ADAMTSL1: variants seen among roughly 807,000 people sequenced by gnomAD.
ADAMTSL1 encodes ADAMTS like 1, also known as ADAMTS-like protein 1.
A neutral mutation model predicts 201.8 loss-of-function variants in ADAMTSL1; 126 were observed. The ratio of observed to expected loss-of-function variants is 0.62; its 90% CI spans 0.54 to 0.72. ADAMTSL1 has a LOEUF of 0.72. ADAMTSL1 is among the 30% of genes least tolerant of loss of function. The pLI is 0.00. For synonymous variants in ADAMTSL1, 1,121 were observed against 903.4 expected (o/e 1.24, Z -4.32); for missense variants, 2,679 against 2,277.8 (o/e 1.18, Z -3.59).
At chr9:18,808,865 C>G (rs1417536385) in intron 20 of ADAMTSL1, among the ~76,000 whole-genome samples, 1 of 152,186 alleles carries the variant, frequency 6.6e-6, no homozygotes, top group Non-Finnish European at 1.5e-5. Flanking sequence ...TTGCCTTGGA[C>G]AAACCATGGG....
At chr9:18,012,301 C>G (rs1820084799) in intron 1 of ADAMTSL1, among the ~76,000 whole-genome samples, 1 of 151,980 alleles carries the variant, frequency 6.6e-6, no homozygotes, top group African/African-American at 2.4e-5. Flanking sequence ...TTGCTGCTTT[C>G]CAGGGTTTCT....
chr9:18,226,854 AATC>A (rs1475251773), intron 2 of ADAMTSL1, among the ~76,000 whole-genome samples: 1 of 152,182 alleles, frequency 6.6e-6, no homozygotes, highest in African/African-American at 2.4e-5. Flanking sequence ...AATGAATAAT[AATC>A]ATGAATCCAG....
chr9:18,637,733 T>C (rs1827190811), intron 6 of ADAMTSL1, among the ~76,000 whole-genome samples: 1 of 152,138 alleles, frequency 6.6e-6, no homozygotes. Flanking sequence ...CCTGTTTCTC[T>C]TTTGCTCTTC....
chr9:18,408,685 G>A (rs1489884288), intron 2 of ADAMTSL1, among the ~76,000 whole-genome samples: 1 of 152,152 alleles, frequency 6.6e-6, no homozygotes, highest in Non-Finnish European at 1.5e-5. Context: ...TTCTAGATAT[G>A]AAATCTCACA....
intron 1 of ADAMTSL1, among the ~76,000 whole-genome samples, chr9:17,915,944 C>T (rs191685505): frequency 1.0e-3 from 154 of 150,882 alleles, no homozygotes; most frequent in African/African-American, 3.6e-3. Flanking sequence ...TTTTTTTTGA[C>T]AGTCTTGCTC....
In ADAMTSL1 at chr9:17,938,412, C is replaced by A. The variant is rs541085463; in HGVS notation, c.87+31490C>A. ...AGTGGAAACAATTTCAAAGAGATACCCCCAGGTACTATGCCGGGCATCTTT... is the reference window on the plus strand; with the variant it reads ...AGTGGAAACAATTTCAAAGAGATACACCCAGGTACTATGCCGGGCATCTTT... On this transcript the variant is annotated intron_variant, in intron 1 of 29. Transcript: ENST00000680146. Among the ~76,000 whole-genome samples the A allele has an allele frequency of 1.3e-3, 200 of 152,156 alleles. 1 individual carries two copies. Among genetic ancestry groups the A allele is most frequent in the Non-Finnish European group, 2.3e-3 (156 of 67,998 alleles).
chr9:18,840,124 G>A (rs1225016532), intron 23 of ADAMTSL1, among the ~76,000 whole-genome samples: 1 of 147,690 alleles, frequency 6.8e-6, no homozygotes, highest in Non-Finnish European at 1.5e-5. Context: ...CCTATGTCCT[G>A]AATGGTAATG....
intron 1 of ADAMTSL1, among the ~76,000 whole-genome samples, chr9:17,977,152 C>T (rs1443698430): frequency 2.0e-5 from 3 of 151,878 alleles, no homozygotes; most frequent in Admixed American, 6.6e-5. Context: ...GTTAAAATAT[C>T]CTTGTATCCC....
At chr9:18,201,704 G>C (rs1347474242) in intron 2 of ADAMTSL1, among the ~76,000 whole-genome samples, 1 of 152,078 alleles carries the variant, frequency 6.6e-6, no homozygotes, top group Non-Finnish European at 1.5e-5. Flanking sequence ...CATTCTTATA[G>C]TGTAATATGT....
chr9:18,764,878 T>G (rs1040704922), intron 16 of ADAMTSL1, among the ~76,000 whole-genome samples: 7 of 152,374 alleles, frequency 4.6e-5, no homozygotes, highest in Non-Finnish European at 8.8e-5. Context: ...GTTACATACC[T>G]ATATACTGTT....
intron 2 of ADAMTSL1, among the ~76,000 whole-genome samples, chr9:18,178,191 G>A (rs1828267489): frequency 6.6e-6 from 1 of 152,222 alleles, no homozygotes; most frequent in African/African-American, 2.4e-5. Flanking sequence ...AGCCGAAGCA[G>A]GGCGAGGCAT....
At chr9:18,598,895 T>C (rs1824444738) in intron 4 of ADAMTSL1, among the ~76,000 whole-genome samples, 1 of 152,160 alleles carries the variant, frequency 6.6e-6, no homozygotes. Flanking sequence ...GGAGGAAAGC[T>C]TGAGAAGAAG....
Position 18,865,915 on chromosome 9 carries a change from G to T in ADAMTSL1, c.4250-21916G>T, listed in dbSNP as rs1208212256. ...CTCTTTCCTGGGGTGGAAATGCTCCGCATATACGTAGCTGGGAGGGAAACA... is the reference window on the plus strand; with the variant it reads ...CTCTTTCCTGGGGTGGAAATGCTCCTCATATACGTAGCTGGGAGGGAAACA... On this transcript the variant is annotated intron_variant, in intron 23 of 28. Coordinates refer to ENST00000380548, the MANE Select transcript of ADAMTSL1 (RefSeq NM_001040272.6). Among the ~76,000 whole-genome samples, 4 of 151,938 alleles carry T rather than the reference G, an allele frequency of 2.6e-5. 1 individual carries two copies. The highest frequency in any genetic ancestry group is 4.2e-4 in the South Asian group (2 of 4,818).
At chr9:18,467,887 T>C (rs1821066034) in intron 2 of ADAMTSL1, among the ~76,000 whole-genome samples, 1 of 152,226 alleles carries the variant, frequency 6.6e-6, no homozygotes, top group African/African-American at 2.4e-5. Context: ...GTATATTGTC[T>C]ATAAATCTGT....
chr9:18,904,507 G>T (rs1195325324), intron 26 of ADAMTSL1, among the ~76,000 whole-genome samples: 1 of 151,438 alleles, frequency 6.6e-6, no homozygotes, highest in Admixed American at 6.6e-5. Flanking sequence ...TACGGTTAAA[G>T]AGAGAAATTT....
chr9:18,853,923 G>GCGCGCA (rs1464984037), intron 23 of ADAMTSL1, among the ~76,000 whole-genome samples: 5 of 151,948 alleles, frequency 3.3e-5, no homozygotes, highest in African/African-American at 1.2e-4. Flanking sequence ...GTGTGTGCGC[G>GCGCGCA]TGCATGCAAA....
At chr9:18,859,090 T>A (rs866545791) in intron 23 of ADAMTSL1, among the ~76,000 whole-genome samples, 2 of 152,214 alleles carry the variant, frequency 1.3e-5, no homozygotes, top group African/African-American at 2.4e-5. Flanking sequence ...TGTATTAACT[T>A]GATTGCAGCT....
intron 2 of ADAMTSL1, among the ~76,000 whole-genome samples, chr9:18,307,453 C>G (rs1833952508): frequency 6.6e-6 from 1 of 152,060 alleles, no homozygotes. Flanking sequence ...AAACCCATCT[C>G]ACGTGCAAAG....
chr9:18,078,974 C>G (rs1215421879), intron 1 of ADAMTSL1, among the ~76,000 whole-genome samples: 1 of 152,164 alleles, frequency 6.6e-6, no homozygotes, highest in African/African-American at 2.4e-5. Flanking sequence ...AGTAGTTTAT[C>G]AGCCTGTCTA....
Sources: gnomAD v4.1 joint callset for allele counts (sites outside exome capture counted in the v4.1 genomes callset) on GRCh38, gnomAD v4.1.1 for gene constraint, MANE v1.5 for transcripts, NCBI Gene and HGNC (gene_info 2026-07-23, HGNC 2026-07-21) for gene names.